Variants in SAMD4A observed in about 807,000 individuals in gnomAD.
The protein encoded by SAMD4A is sterile alpha motif domain containing 4A.
Under a neutral mutation model 81.3 loss-of-function variants are expected in SAMD4A, and 33 were observed. The ratio of observed to expected loss-of-function variants is 0.41; its 90% CI spans 0.31 to 0.54. The LOEUF is 0.54. SAMD4A is among the 20% of genes least tolerant of loss of function. SAMD4A has a pLI of 0.37. For synonymous variants in SAMD4A, 389 were observed against 382.1 expected (o/e 1.02, Z -0.21); for missense variants, 854 against 951.1 (o/e 0.90, Z 1.34).
rs368908451 is a variant in SAMD4A at position 54,784,604 on chromosome 14, C to G, written c.2112C>G (p.Thr704=). Residue 704 remains threonine (T), a synonymous_variant, in exon 12 of 13, where the codon ACC becomes ACG. Coordinates refer to ENST00000554335, the MANE Select transcript of SAMD4A (RefSeq NM_015589.6). ...TGGAGTCGTTGTGCCTCAGTATGACCGAACACGCCCTGGGAGGTGAGTGTG... is the reference window on the plus strand; with the variant it reads ...TGGAGTCGTTGTGCCTCAGTATGACGGAACACGCCCTGGGAGGTGAGTGTG... ...NRLESLCLSM[T]EHALGDGVDR... is the part of the protein sequence containing the mutation. 3.7e-6 allele frequency: 6 copies of G among 1,613,916 alleles called. No individual in the cohort carries two copies. The African/African-American group carries it at 5.3e-5, about 14-fold the overall frequency.
At chr14:54,597,026 T>C (rs980932862) in intron 2 of SAMD4A, among the ~76,000 whole-genome samples, 1 of 152,148 alleles carries the variant, frequency 6.6e-6, no homozygotes, top group African/African-American at 2.4e-5. Flanking sequence ...GCCCATTGCA[T>C]TTTATTGAAA....
chr14:54,778,100 C>T (rs1008381057), intron 11 of SAMD4A, among the ~76,000 whole-genome samples: 10 of 152,204 alleles, frequency 6.6e-5, no homozygotes, highest in South Asian at 4.1e-4. Context: ...ACCCTGGCCT[C>T]AGTCTCACCA....
intron 3 of SAMD4A, 110 bp from the exon 4 acceptor site, chr14:54,736,914 G>C (rs904091347): frequency 2.4e-6 from 3 of 1,267,132 alleles, no homozygotes; most frequent in South Asian, 2.5e-5. Context: ...CATGGATGGA[G>C]TTGTAAGACA....
intron 2 of SAMD4A, among the ~76,000 whole-genome samples, chr14:54,697,266 C>G (rs774542367): frequency 6.6e-6 from 1 of 152,324 alleles, no homozygotes; most frequent in South Asian, 2.1e-4. Flanking sequence ...GAGGTAGACA[C>G]TGCAATGCTG....
chr14:54,602,785 T>G (rs2034093986), intron 2 of SAMD4A, among the ~76,000 whole-genome samples: 1 of 118,160 alleles, frequency 8.5e-6, no homozygotes, highest in African/African-American at 3.5e-5. Flanking sequence ...ACCCTAGAAC[T>G]TAAAGTATAA....
intron 6 of SAMD4A, among the ~76,000 whole-genome samples, chr14:54,753,172 T>C (rs1011829168): frequency 5.9e-5 from 9 of 152,252 alleles, no homozygotes; most frequent in Non-Finnish European, 1.0e-4. Context: ...ACAGACCCTT[T>C]ACGGGTGTTG....
chr14:54,605,238 C>T (rs1358264952), intron 2 of SAMD4A, among the ~76,000 whole-genome samples: 2 of 151,772 alleles, frequency 1.3e-5, no homozygotes, highest in Admixed American at 6.6e-5. Context: ...GCTCCCTGTG[C>T]ACCAAAAATC....
chr14:54,702,787 G>C (rs2036753682), intron 3 of SAMD4A: 1 of 596,452 alleles, frequency 1.7e-6, no homozygotes, highest in Non-Finnish European at 2.9e-6. Flanking sequence ...AGGTAAAAGT[G>C]ACTGATGGTC....
At chr14:54,632,420 C>A (rs565090418) in intron 2 of SAMD4A, among the ~76,000 whole-genome samples, 1 of 152,192 alleles carries the variant, frequency 6.6e-6, no homozygotes, top group Non-Finnish European at 1.5e-5. Flanking sequence ...CCCTGGCCAC[C>A]TATAGTTTCC....
intron 2 of SAMD4A, among the ~76,000 whole-genome samples, chr14:54,624,500 T>TTCAA (rs1257357258): frequency 6.6e-6 from 1 of 152,200 alleles, no homozygotes; most frequent in Non-Finnish European, 1.5e-5. Context: ...TGACAGCTAT[T>TTCAA]TCAATGCTAG....
At chr14:54,727,195 T>TTTTTTTTTTTTTTTG (rs2037443894) in intron 3 of SAMD4A, among the ~76,000 whole-genome samples, 1 of 80,390 alleles carries the variant, frequency 1.2e-5, no homozygotes, top group African/African-American at 8.1e-5. Context: ...TTTTTTTTTT[T>TTTTTTTTTTTTTTTG]TTTTTTTTTT....
intron 2 of SAMD4A, among the ~76,000 whole-genome samples, chr14:54,647,973 C>T (rs574226383): frequency 6.6e-6 from 1 of 152,346 alleles, no homozygotes; most frequent in Non-Finnish European, 1.5e-5. Context: ...TGCCCTACAG[C>T]TGCACTGTTC....
At chr14:54,748,023 G>A (rs1241548013) in intron 4 of SAMD4A, among the ~76,000 whole-genome samples, 1 of 152,206 alleles carries the variant, frequency 6.6e-6, no homozygotes, top group East Asian at 1.9e-4. Flanking sequence ...TATTTCAGAT[G>A]CACTTTAGAA....
Position 54,591,760 on chromosome 14 carries a change from C to G in SAMD4A, c.196+23648C>G, listed in dbSNP as rs114783718. Reference sequence around the variant, plus strand: ...TATTGTATCATTATAAGTTCTTTCCCTTTTATTTCTCCTTTATATTGCAAC... The same window carrying G: ...TATTGTATCATTATAAGTTCTTTCCGTTTTATTTCTCCTTTATATTGCAAC... On this transcript the variant is annotated intron_variant, in intron 2 of 12. Coordinates refer to ENST00000554335, the MANE Select transcript of SAMD4A (RefSeq NM_015589.6). 6.7e-3 allele frequency among the ~76,000 whole-genome samples: 1,013 copies of G among 152,218 alleles called. 17 individuals carry two copies. Among genetic ancestry groups the G allele is most frequent in the African/African-American group, 0.024 (982 of 41,512 alleles).
Position 54,567,484 on chromosome 14 carries a change from C to G in SAMD4A, c.-421-12C>G, listed in dbSNP as rs1281813344. 5.8e-6 allele frequency: 1 copy of G among 171,208 alleles called. No individual in the cohort carries two copies. Among genetic ancestry groups the G allele is most frequent in the African/African-American group, 2.4e-5 (1 of 41,648 alleles). The allele number at this position is 171,208 out of a possible 1,614,324, so 10.6% of individuals were successfully genotyped here. On this transcript the variant is annotated splice_polypyrimidine_tract_variant and intron_variant, in intron 1 of 12. Transcript: ENST00000554335. ...AGCCGAGGTCTCACTGCAGCTCTTT[C>G]TCTCCTTCCAGTGGTGATCGCCGCT...
intron 2 of SAMD4A, among the ~76,000 whole-genome samples, chr14:54,678,771 A>T (rs2036059694): frequency 6.6e-6 from 1 of 152,062 alleles, no homozygotes; most frequent in East Asian, 1.9e-4. Flanking sequence ...GATGGTCTCG[A>T]TCTCCTGACC....
chr14:54,684,669 C>A (rs1282994938), intron 2 of SAMD4A, among the ~76,000 whole-genome samples: 1 of 136,332 alleles, frequency 7.3e-6, no homozygotes, highest in African/African-American at 2.6e-5. Context: ...TGGGTGCCGC[C>A]CCCTCCCCCA....
rs1480394401 is a variant in SAMD4A at position 54,670,320 on chromosome 14, A to G, written c.197-31742A>G. On this transcript the variant is annotated intron_variant, in intron 2 of 12. Coordinates refer to ENST00000554335, the MANE Select transcript of SAMD4A (RefSeq NM_015589.6). ...ATCTGGTTTCTTGGAAGAAATGTGC[A>G]TGTGTAAGGGTAGCTTTTCACATAA... Among the ~76,000 whole-genome samples the G allele has an allele frequency of 3.3e-5, 5 of 152,228 alleles. No homozygotes were observed. The East Asian group carries it at 7.7e-4, about 23-fold the overall frequency.
intron 11 of SAMD4A, among the ~76,000 whole-genome samples, chr14:54,778,309 G>T (rs1464967176): frequency 6.6e-6 from 1 of 152,180 alleles, no homozygotes; most frequent in African/African-American, 2.4e-5. Context: ...GAGCGCTTCG[G>T]GTTTGTTGAT....
Sources: gnomAD v4.1 joint callset for allele counts (sites outside exome capture counted in the v4.1 genomes callset) on GRCh38, gnomAD v4.1.1 for gene constraint, MANE v1.5 for transcripts, NCBI Gene and HGNC (gene_info 2026-07-23, HGNC 2026-07-21) for gene names.